TBL1X: variants seen among roughly 807,000 people sequenced by gnomAD.
TBL1X encodes the protein transducin beta like 1 X-linked.
A neutral mutation model predicts 50.7 loss-of-function variants in TBL1X; 10 were observed. The observed-to-expected ratio is 0.20, with a 90% confidence interval of 0.12 to 0.33. TBL1X has a LOEUF of 0.33. TBL1X is among the 10% of genes least tolerant of loss of function. The pLI is 1.00. For missense variants in TBL1X, 340 were observed against 504.4 expected (o/e 0.67, Z 3.12); for synonymous variants, 190 against 214.7 (o/e 0.88, Z 1.01).
intron 6 of TBL1X, among the ~76,000 whole-genome samples, chrX:9,686,255 C>T (rs1314563476): frequency 5.4e-5 from 6 of 111,636 alleles, no homozygotes; most frequent in Middle Eastern, 4.6e-3. Flanking sequence ...GATCTCAAGG[C>T]GCCTGTGACT....
chrX:9,647,351 A>G (rs1302568538), intron 3 of TBL1X, among the ~76,000 whole-genome samples: 1 of 112,415 alleles, frequency 8.9e-6, no homozygotes, highest in Admixed American at 9.4e-5. Context: ...TGCCTTCTTT[A>G]AGCAGCACAG....
chrX:9,513,366 G>A (rs766503855), intron 2 of TBL1X, among the ~76,000 whole-genome samples: 1 of 110,493 alleles, frequency 9.1e-6, no homozygotes, highest in African/African-American at 3.3e-5. Flanking sequence ...CCAGTGGGGG[G>A]GTGCAGAAGA....
At chrX:9,545,675 C>G (rs2082238626) in intron 2 of TBL1X, among the ~76,000 whole-genome samples, 1 of 110,964 alleles carries the variant, frequency 9.0e-6, no homozygotes, top group South Asian at 3.8e-4. Context: ...TCACTCTCCT[C>G]TTCTCCTTCC....
chrX:9,647,965 G>A (rs964590085), intron 3 of TBL1X, among the ~76,000 whole-genome samples: 1 of 111,728 alleles, frequency 9.0e-6, no homozygotes, highest in African/African-American at 3.3e-5. Flanking sequence ...CTGCATAAAA[G>A]CATTGACTCC....
chrX:9,706,653 C>T (rs926117743), intron 13 of TBL1X, among the ~76,000 whole-genome samples: 1 of 111,466 alleles, frequency 9.0e-6, no homozygotes, highest in Non-Finnish European at 1.9e-5. Context: ...AGGCGCTTCC[C>T]GGTCTTTCAC....
At chrX:9,548,032 C>A (rs1353356390) in intron 2 of TBL1X, among the ~76,000 whole-genome samples, 7 of 105,955 alleles carry the variant, frequency 6.6e-5, no homozygotes, top group Non-Finnish European at 9.7e-5. Context: ...GTGCTGCCAC[C>A]ACCACCGCTA....
In TBL1X at chrX:9,719,604, C is replaced by T. The variant is rs1210255566; in HGVS notation, c.*3358C>T. The T allele has an allele frequency of 2.8e-5, 3 of 107,010 alleles. No individual in the cohort carries two copies. Among genetic ancestry groups the T allele is most frequent in the Non-Finnish European group, 3.9e-5 (2 of 51,918 alleles). The allele number at this position is 107,010 out of a possible 1,213,427, so 8.8% of individuals were successfully genotyped here. A position where few individuals can be genotyped will look rare whatever the true frequency, so the allele number is the denominator to read the frequency against. ...ACAGCGACCGCCTTTTCATTCCCCC[C>T]GCCACCTGTACTCACCCTCACGCTC... is the stretch of plus-strand genomic sequence containing the variant. On this transcript the variant is annotated 3_prime_UTR_variant, in exon 18 of 18. Coordinates refer to ENST00000645353, the MANE Select transcript of TBL1X (RefSeq NM_005647.4).
At chrX:9,464,563 T>C (rs3810742), upstream of TBL1X, among the ~76,000 whole-genome samples, 15,134 of 109,158 alleles carry the variant, frequency 0.14, 1,291 homozygotes, top group East Asian at 0.66. Flanking sequence ...TGGCTTCCTT[T>C]TTGGGGTGGG....
At chrX:9,466,296 T>C (rs1257781427) in intron 1 of TBL1X, among the ~76,000 whole-genome samples, 1 of 112,040 alleles carries the variant, frequency 8.9e-6, no homozygotes, top group African/African-American at 3.2e-5. Flanking sequence ...GAGTCGGCGC[T>C]GGCCGGATAT....
At chrX:9,521,153 C>T (rs1463939337) in intron 2 of TBL1X, among the ~76,000 whole-genome samples, 2 of 109,889 alleles carry the variant, frequency 1.8e-5, no homozygotes, top group Non-Finnish European at 3.8e-5. Context: ...GGGGAGGGGA[C>T]GTATTTTTTG....
chrX:9,673,001 C>T lies in TBL1X; in HGVS notation c.212-11042C>T, dbSNP rs144142396. Among the ~76,000 whole-genome samples, 473 of 111,909 alleles carry T rather than the reference C, an allele frequency of 4.2e-3. 3 individuals carry two copies. Among genetic ancestry groups the T allele is most frequent in the African/African-American group, 0.014 (439 of 30,777 alleles). ...CCTGGTTCATAGATGGCGCCTTCTCCCTGTGTCCTCACGTGGTGGAAGAGG... is the reference window on the plus strand; with the variant it reads ...CCTGGTTCATAGATGGCGCCTTCTCTCTGTGTCCTCACGTGGTGGAAGAGG... On this transcript the variant is annotated intron_variant, in intron 5 of 17. Transcript: ENST00000645353.
intron 2 of TBL1X, among the ~76,000 whole-genome samples, chrX:9,632,127 G>A (rs1021351993): frequency 6.2e-5 from 7 of 112,033 alleles, no homozygotes; most frequent in African/African-American, 2.3e-4. Context: ...TTAAGAGTTT[G>A]TCACTGATTT....
intron 5 of TBL1X, among the ~76,000 whole-genome samples, chrX:9,680,025 G>A (rs1489279602): frequency 7.1e-5 from 8 of 112,076 alleles, no homozygotes; most frequent in Non-Finnish European, 1.1e-4. Flanking sequence ...CAGATTTGGT[G>A]TCTGGTGAGG....
Position 9,706,897 on chromosome X carries a change from C to T in TBL1X, c.1236+1783C>T, listed in dbSNP as rs5978335. Among the ~76,000 whole-genome samples, 166 of 111,464 alleles carry T rather than the reference C, an allele frequency of 1.5e-3. 1 individual carries two copies. The highest frequency in any genetic ancestry group is 5.2e-3 in the African/African-American group (160 of 30,665). ...GCTCTCGGTCCAAAACAGAATCCTC[C>T]CCAGTCTCCAGGCCCATTCACGTAT... is the stretch of plus-strand genomic sequence containing the variant. On this transcript the variant is annotated intron_variant, in intron 13 of 17. Coordinates refer to ENST00000645353, the MANE Select transcript of TBL1X (RefSeq NM_005647.4).
At chrX:9,641,115 A>G (rs905978192) in intron 3 of TBL1X, among the ~76,000 whole-genome samples, 3 of 112,377 alleles carry the variant, frequency 2.7e-5, no homozygotes, top group Non-Finnish European at 5.6e-5. Context: ...TCTTAATTCT[A>G]TGCTTTATCA....
chrX:9,695,657 T>C (rs1408114663), intron 11 of TBL1X, among the ~76,000 whole-genome samples: 1 of 112,000 alleles, frequency 8.9e-6, no homozygotes, highest in African/African-American at 3.2e-5. Flanking sequence ...TCCCATTCTA[T>C]AGAGGACGAA....
Position 9,631,799 on chromosome X carries a change from C to T in TBL1X, c.-130-8474C>T, listed in dbSNP as rs1180537619. Among the ~76,000 whole-genome samples the T allele has an allele frequency of 2.7e-5, 3 of 112,858 alleles. No homozygotes were observed. In the South Asian group the frequency reaches 1.1e-3, roughly 41 times the overall value. ...ATGTTTATATTTACTATTTCTGCCA[C>T]TTATCATTTCTTTGTGGGAATCCAC... On this transcript the variant is annotated intron_variant, in intron 2 of 17. Transcript: ENST00000645353.
chrX:9,505,560 A>G (rs763537678), intron 2 of TBL1X, among the ~76,000 whole-genome samples: 6 of 111,826 alleles, frequency 5.4e-5, no homozygotes, highest in Non-Finnish European at 1.1e-4. Flanking sequence ...CCCATCTTAC[A>G]TGCAGAGACA....
intron 2 of TBL1X, among the ~76,000 whole-genome samples, chrX:9,567,289 C>T (rs1295045409): frequency 4.5e-5 from 5 of 111,374 alleles, no homozygotes; most frequent in African/African-American, 1.6e-4. Flanking sequence ...GGTGCATTGG[C>T]GTGTCTGACA....
Sources: gnomAD v4.1 joint callset for allele counts (sites outside exome capture counted in the v4.1 genomes callset) on GRCh38, gnomAD v4.1.1 for gene constraint, MANE v1.5 for transcripts, NCBI Gene and HGNC (gene_info 2026-07-23, HGNC 2026-07-21) for gene names.